Variants in MYLK4 observed in about 807,000 individuals in gnomAD.
MYLK4 encodes the protein myosin light chain kinase family member 4, also known as caMLCK like.
In MYLK4, 46 loss-of-function variants were observed where a neutral mutation model predicts 48.1. The observed-to-expected ratio is 0.96, with a 90% confidence interval of 0.75 to 1.22. The LOEUF (loss-of-function observed/expected upper bound fraction) is 1.22, where lower values mean the gene tolerates loss of function less well. Among genes scored for constraint, MYLK4 ranks in the 50% most tolerant of loss-of-function variants. The probability of loss-of-function intolerance (pLI) is 0.00; values close to 1 mark genes in which losing one functional copy is unlikely to be tolerated. For synonymous variants in MYLK4, 170 were observed against 180.8 expected (o/e 0.94, Z 0.48); for missense variants, 451 against 486.1 (o/e 0.93, Z 0.68).
chr6:2,691,611 A>C (rs1055440202), intron 3 of MYLK4, among the ~76,000 whole-genome samples: 1 of 152,208 alleles, frequency 6.6e-6, no homozygotes, highest in African/African-American at 2.4e-5. Flanking sequence ...TAGGTTTTTA[A>C]CTTACGGATA....
intron 2 of MYLK4, among the ~76,000 whole-genome samples, chr6:2,700,344 G>A (rs1185494927): frequency 6.6e-6 from 1 of 152,132 alleles, no homozygotes; most frequent in African/African-American, 2.4e-5. Context: ...CTTGAGTGGG[G>A]CCAGAACACC....
the MYLK4 span, chr6:2,766,357 C>T: frequency 1.5e-5 from 24 of 1,610,196 alleles, no homozygotes; most frequent in Middle Eastern, 1.6e-4. Flanking sequence ...AGAGCAAGGC[C>T]GTGGGCCAGG....
chr6:2,685,448 C>A lies in MYLK4; in HGVS notation c.435+35G>T, dbSNP rs369747871. The A allele has an allele frequency of 2.1e-6, 2 of 934,070 alleles. No homozygotes were observed. Among genetic ancestry groups the A allele is most frequent in the Non-Finnish European group, 3.3e-6 (2 of 605,430 alleles). The allele number at this position is 934,070 out of a possible 1,614,324, so 57.9% of individuals were successfully genotyped here. A position where few individuals can be genotyped will look rare whatever the true frequency, so the allele number is the denominator to read the frequency against. ...GTGCATTAGTGTGGTCAAGATGGGGCGGGGAGGGAGGGGACCACCTCCCAC... is the reference window on the plus strand; with the variant it reads ...GTGCATTAGTGTGGTCAAGATGGGGAGGGGAGGGAGGGGACCACCTCCCAC... On this transcript the variant is annotated intron_variant, in intron 5 of 12. Coordinates refer to ENST00000274643, the MANE Select transcript of MYLK4 (RefSeq NM_001012418.5). This position sits in a 1 kb window ranked among gnomAD's most constrained non-coding sequence, Gnocchi z 4.5.
At chr6:2,680,483 C>G in intron 7 of MYLK4, 192 bp from the exon 8 acceptor site, 3 of 985,364 alleles carry the variant, frequency 3.0e-6, no homozygotes, top group Non-Finnish European at 3.6e-6. Context: ...TCCTGCCAAC[C>G]CTGCATTATC....
At chr6:2,741,457 A>C (rs568936141) in intron 2 of MYLK4, among the ~76,000 whole-genome samples, 1 of 152,374 alleles carries the variant, frequency 6.6e-6, no homozygotes, top group Non-Finnish European at 1.5e-5. Context: ...CTGAAACAAC[A>C]TACACATAAG....
chr6:2,762,052 C>G, the MYLK4 span, among the ~76,000 whole-genome samples: 71 of 152,272 alleles, frequency 4.7e-4, no homozygotes, highest in Non-Finnish European at 7.8e-4. Context: ...GCTGGGACTA[C>G]AGGCTCGCAC....
chr6:2,764,979 C>G, the MYLK4 span, among the ~76,000 whole-genome samples: 1 of 152,178 alleles, frequency 6.6e-6, no homozygotes, highest in African/African-American at 2.4e-5. Flanking sequence ...TCGTTACAAA[C>G]GACCCGCTGC....
At chr6:2,757,380 G>C in the MYLK4 span, among the ~76,000 whole-genome samples, 1 of 152,088 alleles carries the variant, frequency 6.6e-6, no homozygotes, top group South Asian at 2.1e-4. Flanking sequence ...GGGCAGATAG[G>C]CAGCCTTGTA....
At chr6:2,748,601 G>A (rs1764180802) in intron 2 of MYLK4, among the ~76,000 whole-genome samples, 1 of 152,196 alleles carries the variant, frequency 6.6e-6, no homozygotes, top group Admixed American at 6.5e-5. Flanking sequence ...GCAAGCCCTT[G>A]GTTAAATTAA....
At chr6:2,674,795 A>G (rs1370060959) in intron 11 of MYLK4, among the ~76,000 whole-genome samples, 1 of 152,170 alleles carries the variant, frequency 6.6e-6, no homozygotes, top group Non-Finnish European at 1.5e-5. Context: ...CGCTTGAACC[A>G]GGGAGGTGGA....
In MYLK4 at chr6:2,678,311, C is replaced by A; in HGVS notation, c.949G>T (p.Ala317Ser). ...NDAETLNNIL[A>S]CRWDLEDEEF... ...TCATCCTCTAAGTCCCACCTGCAGGCCAGGATGTTGTTCAGCGTCTCAGCA... is the reference window on the plus strand; with the variant it reads ...TCATCCTCTAAGTCCCACCTGCAGGACAGGATGTTGTTCAGCGTCTCAGCA... Residue 317 changes from alanine (A) to serine (S), a missense_variant, in exon 10 of 13, where the codon GCC becomes TCC. By Grantham distance (99) the Ala-to-Ser change is moderately conservative. Transcript: ENST00000274643. 1 of 1,614,052 alleles carries A rather than the reference C, an allele frequency of 6.2e-7. No individual in the cohort carries two copies. The highest frequency in any genetic ancestry group is 8.5e-7 in the Non-Finnish European group (1 of 1,180,012).
chr6:2,686,800 T>G (rs1466029167), intron 4 of MYLK4, among the ~76,000 whole-genome samples: 1 of 152,186 alleles, frequency 6.6e-6, no homozygotes, highest in Non-Finnish European at 1.5e-5. Flanking sequence ...AATTCCAACC[T>G]CTGCTCCAGA....
At chr6:2,724,247 C>T (rs1023617782) in intron 2 of MYLK4, among the ~76,000 whole-genome samples, 16 of 152,202 alleles carry the variant, frequency 1.1e-4, no homozygotes, top group Non-Finnish European at 2.2e-4. Flanking sequence ...GGGCGATACA[C>T]ATAGAGGACT....
chr6:2,767,397 C>T, the MYLK4 span, among the ~76,000 whole-genome samples: 2 of 152,234 alleles, frequency 1.3e-5, no homozygotes, highest in East Asian at 1.9e-4. Context: ...CTCGTTTGCA[C>T]ACAAGGCTTT....
At chr6:2,753,345 G>C (rs1230670890), upstream of MYLK4, among the ~76,000 whole-genome samples, 1 of 152,182 alleles carries the variant, frequency 6.6e-6, no homozygotes, top group Non-Finnish European at 1.5e-5. Flanking sequence ...CGTTCTGAAT[G>C]TTTCCAGAAC....
At chr6:2,712,578 A>G (rs987819103) in intron 2 of MYLK4, among the ~76,000 whole-genome samples, 9 of 152,248 alleles carry the variant, frequency 5.9e-5, no homozygotes, top group Non-Finnish European at 1.0e-4. Context: ...CAAAAGTCAT[A>G]AGCAATAGCT....
At chr6:2,695,254 T>C (rs1762018139) in intron 2 of MYLK4, among the ~76,000 whole-genome samples, 1 of 152,240 alleles carries the variant, frequency 6.6e-6, no homozygotes, top group Admixed American at 6.5e-5. Flanking sequence ...GCTTCTGGGT[T>C]TATTCTGTGT....
intron 2 of MYLK4, among the ~76,000 whole-genome samples, chr6:2,702,527 A>G (rs909220096): frequency 6.6e-6 from 1 of 152,218 alleles, no homozygotes; most frequent in Non-Finnish European, 1.5e-5. Flanking sequence ...GCTGTTGATT[A>G]AAGGGTACAA....
At chr6:2,765,031 A>G in the MYLK4 span, among the ~76,000 whole-genome samples, 5 of 152,058 alleles carry the variant, frequency 3.3e-5, no homozygotes, top group Non-Finnish European at 7.4e-5. Flanking sequence ...TCAACAGCCC[A>G]GCACGGAAGG....
Sources: gnomAD v4.1 joint callset for allele counts (sites outside exome capture counted in the v4.1 genomes callset) on GRCh38, gnomAD v4.1.1 for gene constraint, Gnocchi (gnomAD v3.1) non-coding constraint, MANE v1.5 for transcripts, NCBI Gene and HGNC (gene_info 2026-07-23, HGNC 2026-07-21) for gene names.